Variants in SCD5 observed in about 807,000 individuals in gnomAD.
The protein encoded by SCD5 is acyl-CoA-desaturase 4.
Under a neutral mutation model 30.4 loss-of-function variants are expected in SCD5, and 20 were observed. That is an observed-to-expected ratio of 0.66 (90% CI 0.46 to 0.96). The LOEUF (loss-of-function observed/expected upper bound fraction) is 0.96. Among genes scored for constraint, SCD5 ranks in the 40% least tolerant of loss-of-function variants. The pLI is 0.00. For synonymous variants in SCD5, 173 were observed against 176.4 expected (o/e 0.98, Z 0.16); for missense variants, 381 against 443.3 (o/e 0.86, Z 1.26).
chr4:82,635,336 C>T (rs922921450), intron 4 of SCD5, among the ~76,000 whole-genome samples: 5 of 152,134 alleles, frequency 3.3e-5, no homozygotes, highest in Non-Finnish European at 7.4e-5. Flanking sequence ...AGCAACATCA[C>T]GGGCCGGGCA....
At chr4:82,740,352 G>A (rs1720847652) in intron 1 of SCD5, among the ~76,000 whole-genome samples, 2 of 152,186 alleles carry the variant, frequency 1.3e-5, no homozygotes, top group African/African-American at 2.4e-5. Context: ...AAGTCAGAGG[G>A]GAGAAAGGAT....
chr4:82,786,523 G>A (rs530574455), intron 1 of SCD5, among the ~76,000 whole-genome samples: 2 of 152,296 alleles, frequency 1.3e-5, no homozygotes, highest in East Asian at 1.9e-4. Context: ...TCTTCGGCCA[G>A]GCGCAGTGGC....
chr4:82,681,808 G>A (rs536866189), intron 2 of SCD5, among the ~76,000 whole-genome samples: 1 of 152,248 alleles, frequency 6.6e-6, no homozygotes, highest in South Asian at 2.1e-4. Flanking sequence ...ATGTTCTTAG[G>A]ATGAAATCTT....
intron 2 of SCD5, among the ~76,000 whole-genome samples, chr4:82,701,399 A>T (rs1276834571): frequency 3.3e-5 from 5 of 152,204 alleles, no homozygotes; most frequent in African/African-American, 1.2e-4. Flanking sequence ...TGATCCAACT[A>T]TATCAATAAT....
At chr4:82,718,927 T>C (rs1365923923) in intron 1 of SCD5, among the ~76,000 whole-genome samples, 1 of 151,518 alleles carries the variant, frequency 6.6e-6, no homozygotes, top group East Asian at 1.9e-4. Flanking sequence ...AAAATACAAT[T>C]ATTCATTCAT....
intron 1 of SCD5, among the ~76,000 whole-genome samples, chr4:82,760,100 T>C (rs1167291446): frequency 6.6e-6 from 1 of 152,176 alleles, no homozygotes; most frequent in Non-Finnish European, 1.5e-5. Context: ...ATCCAACCTA[T>C]GCACAGCTAC....
rs184377298 is a variant in SCD5 at position 82,636,816 on chromosome 4, T to C, written c.577A>G (p.Lys193Glu). Residue 193 changes from lysine to glutamate, a missense_variant, in exon 4 of 5, where the codon AAG becomes GAG. Transcript: ENST00000319540. ...AAGCACATGAGCACCACGGAGATCT[T>C]ATAGTACCTACAGGGCAAGACACCA... The part of the protein sequence containing the change: ...PVVRIQRKYY[K>E]ISVVLMCFVV... 11 of 1,611,018 alleles carry C rather than the reference T, an allele frequency of 6.8e-6. No homozygotes were observed. The East Asian group carries it at 1.8e-4, about 26-fold the overall frequency.
intron 1 of SCD5, among the ~76,000 whole-genome samples, chr4:82,755,307 C>A (rs998536934): frequency 3.3e-5 from 5 of 152,130 alleles, no homozygotes; most frequent in Admixed American, 3.3e-4. Flanking sequence ...TGAGACCAGC[C>A]TGGCCAACAT....
intron 1 of SCD5, among the ~76,000 whole-genome samples, chr4:82,794,716 C>A (rs755311594): frequency 6.7e-6 from 1 of 150,256 alleles, no homozygotes; most frequent in African/African-American, 2.5e-5. Context: ...GTGGCGCAAT[C>A]TCGGCTCCCT....
chr4:82,634,780 G>A (rs1412609898), intron 4 of SCD5, among the ~76,000 whole-genome samples: 1 of 152,128 alleles, frequency 6.6e-6, no homozygotes. Flanking sequence ...CCCCATTTCT[G>A]TCTACTCACA....
chr4:82,645,742 A>C (rs995060852), intron 3 of SCD5, among the ~76,000 whole-genome samples: 2 of 152,230 alleles, frequency 1.3e-5, no homozygotes, highest in African/African-American at 4.8e-5. Flanking sequence ...CTAACTTTTC[A>C]ATTACTTCAG....
chr4:82,759,241 A>G (rs1238268649), intron 1 of SCD5, among the ~76,000 whole-genome samples: 1 of 152,222 alleles, frequency 6.6e-6, no homozygotes, highest in Non-Finnish European at 1.5e-5. Context: ...CCACAGTGGC[A>G]GCTGGCGGGA....
rs562629226 is a variant in SCD5 at position 82,763,821 on chromosome 4, T to C, written c.232+34485A>G. On this transcript the variant is annotated intron_variant, in intron 1 of 4. Transcript: ENST00000319540. ...CTGTGGTATTTTGTTATAGCAGCCC[T>C]AGCAAACCAATACAATTCCCTTTTT... Among the ~76,000 whole-genome samples the C allele has an allele frequency of 3.8e-4, 58 of 152,342 alleles. 4 individuals carry two copies. In the South Asian group the frequency reaches 0.012, roughly 32 times the overall value.
chr4:82,697,385 C>T (rs971396165), intron 2 of SCD5, among the ~76,000 whole-genome samples: 1 of 152,200 alleles, frequency 6.6e-6, no homozygotes, highest in Non-Finnish European at 1.5e-5. Flanking sequence ...AATATATCCA[C>T]TGTACAAAGC....
chr4:82,774,933 C>A (rs1423129551), intron 1 of SCD5, among the ~76,000 whole-genome samples: 3 of 152,170 alleles, frequency 2.0e-5, no homozygotes, highest in African/African-American at 7.2e-5. Flanking sequence ...TAATCCTGCC[C>A]TGCCTGACTG....
At chr4:82,699,167 G>C (rs1300217151) in intron 2 of SCD5, among the ~76,000 whole-genome samples, 2 of 152,008 alleles carry the variant, frequency 1.3e-5, no homozygotes, top group Non-Finnish European at 2.9e-5. Context: ...TGGAAAAATT[G>C]CCTTCCATGA....
intron 1 of SCD5, among the ~76,000 whole-genome samples, chr4:82,741,334 T>TTG (rs570586143): frequency 9.3e-4 from 141 of 152,316 alleles, no homozygotes; most frequent in African/African-American, 3.2e-3. Flanking sequence ...AGCCTGGGCC[T>TTG]TGAGAGGCCT....
rs1727261318 is a variant in SCD5 at position 82,630,457 on chromosome 4, G to GT, written c.*869dup. ...TGCCTCTCTGCTCCTTCAGATGGTT[G>GT]TTTAAAAGCAATGATGGGTTAATTG... On this transcript the variant is annotated 3_prime_UTR_variant, in exon 5 of 5. Coordinates refer to ENST00000319540, the MANE Select transcript of SCD5 (RefSeq NM_001037582.3). 1 of 152,138 alleles carries GT rather than the reference G, an allele frequency of 6.6e-6. No individual in the cohort carries two copies. Among genetic ancestry groups the GT allele is most frequent in the South Asian group, 2.1e-4 (1 of 4,824 alleles). The allele number at this position is 152,138 out of a possible 1,614,324, so 9.4% of individuals were successfully genotyped here. A position where few individuals can be genotyped will look rare whatever the true frequency, so the allele number is the denominator to read the frequency against.
chr4:82,749,667 A>C (rs1721061107), intron 1 of SCD5, among the ~76,000 whole-genome samples: 1 of 152,242 alleles, frequency 6.6e-6, no homozygotes, highest in South Asian at 2.1e-4. Context: ...CCATATCGTG[A>C]AACTAGACTC....
Sources: gnomAD v4.1 joint callset for allele counts (sites outside exome capture counted in the v4.1 genomes callset) on GRCh38, gnomAD v4.1.1 for gene constraint, MANE v1.5 for transcripts, NCBI Gene and HGNC (gene_info 2026-07-23, HGNC 2026-07-21) for gene names.